The following ACTR3C variants were observed in gnomAD, a reference collection of about 807,000 sequenced individuals.
ACTR3C encodes actin related protein 3C, also known as actin-related protein 3C.
Under a neutral mutation model 26.3 loss-of-function variants are expected in ACTR3C, and 18 were observed. The observed-to-expected ratio is 0.68, with a 90% CI of 0.47 to 1.01. ACTR3C has a LOEUF of 1.01. Among genes scored for constraint, ACTR3C ranks in the 50% least tolerant of loss-of-function variants. The pLI is 0.00. For missense variants in ACTR3C, 184 were observed against 250.7 expected (o/e 0.73, Z 1.80); for synonymous variants, 55 against 94.5 (o/e 0.58, Z 2.42).
chr7:149,943,603 C>T, the ACTR3C span, among the ~76,000 whole-genome samples: 1 of 151,994 alleles, frequency 6.6e-6, no homozygotes, highest in East Asian at 1.9e-4. Context: ...TGGTGCATAC[C>T]TGTAATCCCT....
At chr7:150,189,246 T>C in the ACTR3C span, among the ~76,000 whole-genome samples, 35 of 152,242 alleles carry the variant, frequency 2.3e-4, no homozygotes, top group Middle Eastern at 3.4e-3. Flanking sequence ...TCTTTTTGCC[T>C]TTGGGCTTAT....
the ACTR3C span, among the ~76,000 whole-genome samples, chr7:150,091,170 G>A: frequency 7.0e-6 from 1 of 143,168 alleles, no homozygotes; most frequent in African/African-American, 2.5e-5. Flanking sequence ...TTCCCATGGA[G>A]CCAGGGTGAA....
chr7:150,021,630 TC>T, the ACTR3C span, among the ~76,000 whole-genome samples: 27 of 137,240 alleles, frequency 2.0e-4, no homozygotes, highest in Non-Finnish European at 3.4e-4. Flanking sequence ...CTCCCAGCCT[TC>T]CCCCCGAGTC....
intron 1 of ACTR3C, among the ~76,000 whole-genome samples, chr7:150,297,801 G>A (rs187342720): frequency 0.013 from 1,944 of 144,708 alleles, 40 homozygotes; most frequent in African/African-American, 0.049. Flanking sequence ...GCAGTGAGCT[G>A]AGATCACACC....
At chr7:150,042,197 C>G in the ACTR3C span, among the ~76,000 whole-genome samples, 3 of 17,606 alleles carry the variant, frequency 1.7e-4, no homozygotes, top group Non-Finnish European at 3.2e-4. Flanking sequence ...CTCCCCCCCC[C>G]TGCGATGAGG....
the ACTR3C span, among the ~76,000 whole-genome samples, chr7:150,212,764 C>G: frequency 6.6e-6 from 1 of 152,184 alleles, no homozygotes; most frequent in Non-Finnish European, 1.5e-5. Flanking sequence ...AAGTGTCTAT[C>G]AGACGTGGCC....
At chr7:150,032,021 G>A in the ACTR3C span, among the ~76,000 whole-genome samples, 1 of 152,246 alleles carries the variant, frequency 6.6e-6, no homozygotes, top group African/African-American at 2.4e-5. Context: ...TGCTCCCAGG[G>A]CCCTCACAGC....
At chr7:150,078,753 G>T in the ACTR3C span, among the ~76,000 whole-genome samples, 3 of 152,224 alleles carry the variant, frequency 2.0e-5, no homozygotes, top group Non-Finnish European at 2.9e-5. Context: ...TTCTAGAAAA[G>T]ATGAGCATTT....
chr7:149,978,159 G>A, the ACTR3C span, among the ~76,000 whole-genome samples: 1 of 152,180 alleles, frequency 6.6e-6, no homozygotes, highest in Non-Finnish European at 1.5e-5. Context: ...TATCCCATAC[G>A]TGATGTACAC....
the ACTR3C span, among the ~76,000 whole-genome samples, chr7:150,054,288 C>G: frequency 6.6e-6 from 1 of 152,234 alleles, no homozygotes; most frequent in Non-Finnish European, 1.5e-5. Flanking sequence ...AAATACTACT[C>G]TCCACCCCAG....
the ACTR3C span, among the ~76,000 whole-genome samples, chr7:149,883,607 G>T: frequency 6.6e-6 from 1 of 152,230 alleles, no homozygotes; most frequent in Non-Finnish European, 1.5e-5. Context: ...GCGCCTGCGT[G>T]CAGGATGAAG....
chr7:149,987,622 T>C, the ACTR3C span, among the ~76,000 whole-genome samples: 1 of 139,656 alleles, frequency 7.2e-6, no homozygotes, highest in South Asian at 2.6e-4. Context: ...TACTAGAGTA[T>C]AATTTTCATA....
chr7:149,993,774 T>C, the ACTR3C span, among the ~76,000 whole-genome samples: 1 of 152,176 alleles, frequency 6.6e-6, no homozygotes, highest in Non-Finnish European at 1.5e-5. Context: ...TCCACAAGGC[T>C]AACCAGGCCA....
the ACTR3C span, among the ~76,000 whole-genome samples, chr7:150,057,506 G>A: frequency 6.6e-6 from 1 of 151,960 alleles, no homozygotes; most frequent in African/African-American, 2.4e-5. Flanking sequence ...GGTTGGTCTC[G>A]AACCCCTGAC....
chr7:150,198,949 CCCGG>C, the ACTR3C span, among the ~76,000 whole-genome samples: 3 of 136,018 alleles, frequency 2.2e-5, no homozygotes, highest in Admixed American at 2.1e-4. Context: ...CAGCCCCCTG[CCCGG>C]CCAGCCGCCC....
At chr7:150,122,743 T>C in the ACTR3C span, among the ~76,000 whole-genome samples, 1 of 152,184 alleles carries the variant, frequency 6.6e-6, no homozygotes, top group Non-Finnish European at 1.5e-5. Flanking sequence ...ACTGGGTATA[T>C]ACCCAAAGGA....
chr7:150,122,329 T>A, the ACTR3C span, among the ~76,000 whole-genome samples: 3 of 152,132 alleles, frequency 2.0e-5, no homozygotes, highest in Non-Finnish European at 4.4e-5. Flanking sequence ...AGAAAATTTT[T>A]GTAATCTATC....
chr7:150,084,157 CCA>C, the ACTR3C span, among the ~76,000 whole-genome samples: 1 of 152,184 alleles, frequency 6.6e-6, no homozygotes, highest in Non-Finnish European at 1.5e-5. Context: ...CATGTGTGAG[CCA>C]CCATGCCCAG....
chr7:150,142,195 C>G, the ACTR3C span, among the ~76,000 whole-genome samples: 2 of 152,176 alleles, frequency 1.3e-5, no homozygotes, highest in South Asian at 2.1e-4. Flanking sequence ...AGGTCTCCTC[C>G]TCCTCCCTGG....
Sources: gnomAD v4.1 joint callset for allele counts (sites outside exome capture counted in the v4.1 genomes callset) on GRCh38, gnomAD v4.1.1 for gene constraint, MANE v1.5 for transcripts, NCBI Gene and HGNC (gene_info 2026-07-23, HGNC 2026-07-21) for gene names.